SLC22A15: variants seen among roughly 807,000 people sequenced by gnomAD.
SLC22A15 encodes solute carrier family 22 member 15.
SLC22A15 carries 45 observed loss-of-function variants against 62.7 expected under a neutral mutation model. The observed-to-expected ratio is 0.72, with a 90% confidence interval of 0.56 to 0.92. The LOEUF is 0.92. SLC22A15 is among the 40% of genes least tolerant of loss of function. The probability of loss-of-function intolerance (pLI) is 0.00; values close to 1 mark genes in which losing one functional copy is unlikely to be tolerated. For missense variants in SLC22A15, 622 were observed against 665.6 expected, an observed-to-expected ratio of 0.93 and a Z score of 0.72; for synonymous variants, 264 against 267.0, an observed-to-expected ratio of 0.99 and a Z score of 0.11.
chr1:115,991,967 T>C, intron 1 of SLC22A15, 64 bp from the exon 2 acceptor site: 7 of 1,408,726 alleles, frequency 5.0e-6, no homozygotes, highest in Non-Finnish European at 7.0e-6. Flanking sequence ...GCAAGCCTGC[T>C]AAGTGTCTTC....
chr1:116,054,908 T>G (rs1206535565), intron 8 of SLC22A15, among the ~76,000 whole-genome samples: 1 of 151,260 alleles, frequency 6.6e-6, no homozygotes, highest in Non-Finnish European at 1.5e-5. Context: ...CAAAATAGTG[T>G]GTAGAGGGAA....
rs1655919456 is a variant in SLC22A15 at position 116,005,243 on chromosome 1, C to A, written c.300+13000C>A. 3.3e-5 allele frequency among the ~76,000 whole-genome samples: 5 copies of A among 152,030 alleles called. No homozygotes were observed. In the South Asian group the frequency reaches 8.3e-4, roughly 25 times the overall value. On this transcript the variant is annotated intron_variant, in intron 2 of 11. Transcript: ENST00000369503. ...ACTTAGTCTTCTTGGAAGTGGGATC[C>A]CTCTTGTGTCCTTTTGACATGCCTA... is the stretch of plus-strand genomic sequence containing the variant.
intron 1 of SLC22A15, among the ~76,000 whole-genome samples, chr1:115,979,976 T>TTA (rs967622712): frequency 1.3e-5 from 2 of 150,330 alleles, no homozygotes; most frequent in Admixed American, 6.7e-5. Flanking sequence ...TGCATTATTT[T>TTA]TATATATATA....
intron 2 of SLC22A15, among the ~76,000 whole-genome samples, chr1:116,011,221 T>C (rs1656237028): frequency 1.3e-5 from 2 of 152,366 alleles, no homozygotes; most frequent in South Asian, 2.1e-4. Context: ...GCACATTTCT[T>C]ATCCCTGCAT....
chr1:116,031,499 A>C lies in SLC22A15; in HGVS notation c.862A>C (p.Ser288Arg). 1 of 1,613,972 alleles carries C rather than the reference A, an allele frequency of 6.2e-7. No homozygotes were observed. The highest frequency in any genetic ancestry group is 8.5e-7 in the Non-Finnish European group (1 of 1,179,872). ...CTCACTAACACACCCAGCCAACAGGAGCTGCAGGGAGACTGGAAGTTTCCT... is the reference window on the plus strand; with the variant it reads ...CTCACTAACACACCCAGCCAACAGGCGCTGCAGGGAGACTGGAAGTTTCCT... ...TFSLTHPANR[S>R]CRETGSFLDL... Residue 288 changes from serine (S) to arginine (R), a missense_variant, in exon 6 of 12, where the codon AGC becomes CGC. Physicochemically the swap from Ser to Arg is moderately radical, Grantham distance 110. Coordinates refer to ENST00000369503, the MANE Select transcript of SLC22A15 (RefSeq NM_018420.3).
At chr1:115,994,080 C>T (rs1655297464) in intron 2 of SLC22A15, among the ~76,000 whole-genome samples, 1 of 152,100 alleles carries the variant, frequency 6.6e-6, no homozygotes, top group African/African-American at 2.4e-5. Flanking sequence ...ACGTATGTTA[C>T]AGACTGTTGT....
chr1:116,057,766 G>A (rs1311036719), intron 8 of SLC22A15, among the ~76,000 whole-genome samples: 5 of 151,988 alleles, frequency 3.3e-5, no homozygotes, highest in South Asian at 2.1e-4. Flanking sequence ...AGGGACATGG[G>A]TGAAATTGGA....
At position 115,997,795 on chromosome 1, in the gene SLC22A15, G is replaced by A. The variant is rs771464483; in HGVS notation, c.300+5552G>A. On this transcript the variant is annotated intron_variant, in intron 2 of 11. Coordinates refer to ENST00000369503, the MANE Select transcript of SLC22A15 (RefSeq NM_018420.3). ...TGGATACTCTTTATTTCTTTCTCTT[G>A]TCTGATTGCTGTAGCTAGGACTAAC... is the stretch of plus-strand genomic sequence containing the variant. 6.6e-5 allele frequency among the ~76,000 whole-genome samples: 10 copies of A among 151,556 alleles called. No individual in the cohort carries two copies. The East Asian group carries it at 1.9e-3, about 29-fold the overall frequency.
chr1:115,977,095 A>C (rs1355991817), intron 1 of SLC22A15, among the ~76,000 whole-genome samples: 1 of 152,178 alleles, frequency 6.6e-6, no homozygotes, highest in Non-Finnish European at 1.5e-5. Flanking sequence ...TTGTTACCCT[A>C]CCTGTGGCAC....
At chr1:115,987,704 A>T (rs1243628865) in intron 1 of SLC22A15, among the ~76,000 whole-genome samples, 3 of 152,216 alleles carry the variant, frequency 2.0e-5, no homozygotes, top group African/African-American at 7.2e-5. Flanking sequence ...TGCATAAAAA[A>T]ACTAAAGGTA....
At chr1:116,027,252 C>A in intron 5 of SLC22A15, 1 of 633,412 alleles carries the variant, frequency 1.6e-6, no homozygotes, top group Non-Finnish European at 3.0e-6. Flanking sequence ...CAATACACTG[C>A]ATTGTAACCT....
intron 1 of SLC22A15, among the ~76,000 whole-genome samples, chr1:115,984,151 G>A (rs2488433): frequency 0.077 from 11,736 of 152,232 alleles, 561 homozygotes; most frequent in Admixed American, 0.12. Flanking sequence ...AAACTAGCAA[G>A]GGGTACTCAG....
rs554654828 is a variant in SLC22A15 at position 116,037,156 on chromosome 1, T to C, written c.1086-147T>C. ...TTATTTATTTTGAGTCCTAGTCAGT[T>C]TCCTATCAGTCACATTTGCCACTTA... On this transcript the variant is annotated intron_variant, in intron 7 of 11. Coordinates refer to ENST00000369503, the MANE Select transcript of SLC22A15 (RefSeq NM_018420.3). 1.2e-5 allele frequency: 8 copies of C among 647,688 alleles called. No homozygotes were observed. The East Asian group carries it at 1.8e-4, about 15-fold the overall frequency. The allele number at this position is 647,688 out of a possible 1,614,324, so 40.1% of individuals were successfully genotyped here.
In SLC22A15 at chr1:116,026,962, C is replaced by T. The variant is rs1194065023; in HGVS notation, c.668C>T (p.Ser223Phe). 1.2e-6 allele frequency: 2 copies of T among 1,613,876 alleles called. No homozygotes were observed. Among genetic ancestry groups the T allele is most frequent in the East Asian group, 2.2e-5 (1 of 44,886 alleles). Residue 223 changes from serine (S) to phenylalanine (F), a missense_variant, in exon 5 of 12, where the codon TCC becomes TTC. Coordinates refer to ENST00000369503, the MANE Select transcript of SLC22A15 (RefSeq NM_018420.3). ...GCCCTGTTAGGATACTTCATCCGCTCCTGGAGGACCCTAGCCATTCTGGTT... is the reference window on the plus strand; with the variant it reads ...GCCCTGTTAGGATACTTCATCCGCTTCTGGAGGACCCTAGCCATTCTGGTT... The part of the protein sequence containing the change: ...QYALLGYFIR[S>F]WRTLAILVNL...
In SLC22A15 at chr1:115,976,582, G is replaced by T; in HGVS notation, c.-46G>T. 1 of 1,447,430 alleles carries T rather than the reference G, an allele frequency of 6.9e-7. No homozygotes were observed. The allele number at this position is 1,447,430 out of a possible 1,614,324, so 89.7% of individuals were successfully genotyped here. On this transcript the variant is annotated 5_prime_UTR_variant, in exon 1 of 12. Coordinates refer to ENST00000369503, the MANE Select transcript of SLC22A15 (RefSeq NM_018420.3). ...TTGCCGCGCTGGGCGGGAGGGCAGC[G>T]CCTGAGAGGGCGGTGGGGTGGCGGG...
chr1:116,005,555 CTG>C (rs1042565709), intron 2 of SLC22A15, among the ~76,000 whole-genome samples: 1 of 152,162 alleles, frequency 6.6e-6, no homozygotes, highest in Admixed American at 6.5e-5. Context: ...ACATAAAAAA[CTG>C]TCTTGCAGGC....
At chr1:116,006,588 T>G (rs1351271587) in intron 2 of SLC22A15, among the ~76,000 whole-genome samples, 1 of 152,166 alleles carries the variant, frequency 6.6e-6, no homozygotes, top group Non-Finnish European at 1.5e-5. Flanking sequence ...CTTAGCCCAC[T>G]GGGGTGCATC....
At chr1:116,015,934 C>T (rs557475645) in intron 2 of SLC22A15, among the ~76,000 whole-genome samples, 1 of 152,206 alleles carries the variant, frequency 6.6e-6, no homozygotes, top group East Asian at 1.9e-4. Context: ...TAAAATGTTA[C>T]CGTAAGCATT....
At chr1:116,027,787 G>A (rs10923959) in intron 5 of SLC22A15, among the ~76,000 whole-genome samples, 17,753 of 152,016 alleles carry the variant, frequency 0.12, 1,647 homozygotes, top group African/African-American at 0.25. Context: ...CACCACGCCC[G>A]ACTGATTTTG....
Sources: gnomAD v4.1 joint callset for allele counts (sites outside exome capture counted in the v4.1 genomes callset) on GRCh38, gnomAD v4.1.1 for gene constraint, MANE v1.5 for transcripts, NCBI Gene and HGNC (gene_info 2026-07-23, HGNC 2026-07-21) for gene names.